The following NCAM2 variants were observed in gnomAD, a reference collection of about 807,000 sequenced individuals.
The protein encoded by NCAM2 is N-CAM-2.
Under a neutral mutation model 98.1 loss-of-function variants are expected in NCAM2, and 30 were observed. The observed-to-expected ratio is 0.31, with a 90% CI of 0.23 to 0.41. NCAM2 has a LOEUF of 0.41. NCAM2 is among the 10% of genes least tolerant of loss of function. The pLI is 1.00. For missense variants in NCAM2, 867 were observed against 1,005.8 expected, an observed-to-expected ratio of 0.86 and a Z score of 1.87; for synonymous variants, 368 against 342.4, an observed-to-expected ratio of 1.07 and a Z score of -0.83.
intron 1 of NCAM2, among the ~76,000 whole-genome samples, chr21:21,121,206 A>G (rs932889443): frequency 3.9e-5 from 6 of 152,220 alleles, no homozygotes; most frequent in African/African-American, 4.8e-5. Context: ...GCATTCTGAC[A>G]TGTTAATTTC....
intron 13 of NCAM2, among the ~76,000 whole-genome samples, chr21:21,467,773 C>T (rs1487451086): frequency 5.9e-5 from 9 of 151,530 alleles, no homozygotes; most frequent in African/African-American, 1.9e-4. Flanking sequence ...GTGAGAAGAT[C>T]ACCTGAGTCT....
At chr21:21,099,325 C>T (rs760248297) in intron 1 of NCAM2, among the ~76,000 whole-genome samples, 1 of 151,750 alleles carries the variant, frequency 6.6e-6, no homozygotes, top group African/African-American at 2.4e-5. Context: ...ATGAGATGGG[C>T]TTTGTATTAG....
In NCAM2 at chr21:21,235,359, A is replaced by G. The variant is rs958093473; in HGVS notation, c.56-45219A>G. On this transcript the variant is annotated intron_variant, in intron 1 of 17. Transcript: ENST00000400546. ...GCAGGGAAATTTAAGAAATAGTTTT[A>G]TTTATTTCTTCTCTGATTAAATAAT... Among the ~76,000 whole-genome samples the G allele has an allele frequency of 1.6e-4, 24 of 152,138 alleles. No individual in the cohort carries two copies. The East Asian group carries it at 2.5e-3, about 16-fold the overall frequency.
chr21:21,525,986 G>A (rs1989299216), intron 16 of NCAM2, among the ~76,000 whole-genome samples: 1 of 152,006 alleles, frequency 6.6e-6, no homozygotes, highest in South Asian at 2.1e-4. Context: ...ACAATGAGGG[G>A]TGGACCTTCC....
intron 1 of NCAM2, among the ~76,000 whole-genome samples, chr21:21,116,577 G>A (rs1343679743): frequency 6.6e-6 from 1 of 152,116 alleles, no homozygotes; most frequent in Non-Finnish European, 1.5e-5. Flanking sequence ...CAATGTGTCC[G>A]GGCGCAGCGG....
intron 4 of NCAM2, among the ~76,000 whole-genome samples, chr21:21,288,879 A>G (rs372934814): frequency 6.6e-6 from 1 of 151,914 alleles, no homozygotes; most frequent in African/African-American, 2.4e-5. Flanking sequence ...TATGCTTTTG[A>G]TTGTAGCTGC....
intron 1 of NCAM2, among the ~76,000 whole-genome samples, chr21:21,123,212 G>A (rs2066711814): frequency 6.6e-6 from 1 of 151,950 alleles, no homozygotes; most frequent in South Asian, 2.1e-4. Context: ...TGGCTGACAC[G>A]GTGAAACCCG....
chr21:21,212,742 C>T (rs112896468), intron 1 of NCAM2, among the ~76,000 whole-genome samples: 7,124 of 124,726 alleles, frequency 0.057, 595 homozygotes, highest in African/African-American at 0.2. Flanking sequence ...ATTATCTGTG[C>T]TTTTTTTTTT....
intron 15 of NCAM2, among the ~76,000 whole-genome samples, chr21:21,478,171 G>T (rs1032034440): frequency 6.6e-6 from 1 of 152,012 alleles, no homozygotes; most frequent in Non-Finnish European, 1.5e-5. Flanking sequence ...AATTTATTCT[G>T]ACTCAAAATA....
At chr21:21,373,155 C>CAAA (rs2075958483) in intron 8 of NCAM2, among the ~76,000 whole-genome samples, 1 of 151,712 alleles carries the variant, frequency 6.6e-6, no homozygotes. Flanking sequence ...TTAGAATATA[C>CAAA]TGTTTCTGTC....
chr21:21,085,630 T>C (rs2065892294), intron 1 of NCAM2, among the ~76,000 whole-genome samples: 1 of 152,162 alleles, frequency 6.6e-6, no homozygotes, highest in African/African-American at 2.4e-5. Context: ...CAGAACACTA[T>C]GCGCCCTTTC....
At chr21:21,261,013 T>C (rs762111413) in intron 1 of NCAM2, among the ~76,000 whole-genome samples, 3 of 152,116 alleles carry the variant, frequency 2.0e-5, no homozygotes, top group Non-Finnish European at 2.9e-5. Flanking sequence ...AGTAAAGTTA[T>C]GTCACACAAA....
At chr21:21,507,503 A>G (rs1441087954) in intron 15 of NCAM2, among the ~76,000 whole-genome samples, 2 of 152,136 alleles carry the variant, frequency 1.3e-5, no homozygotes, top group Non-Finnish European at 2.9e-5. Context: ...CATTAAAAAG[A>G]CTAAACTGGG....
At chr21:21,162,857 G>A (rs1479453443) in intron 1 of NCAM2, among the ~76,000 whole-genome samples, 1 of 152,018 alleles carries the variant, frequency 6.6e-6, no homozygotes, top group African/African-American at 2.4e-5. Context: ...ATCCGTTATT[G>A]GTGAAGAAAC....
At chr21:21,392,451 C>A (rs893867927) in intron 9 of NCAM2, among the ~76,000 whole-genome samples, 2 of 152,134 alleles carry the variant, frequency 1.3e-5, no homozygotes, top group Non-Finnish European at 2.9e-5. Flanking sequence ...ATTTACATTC[C>A]TTTGGGTATA....
At chr21:21,393,375 C>T (rs997521533) in intron 9 of NCAM2, among the ~76,000 whole-genome samples, 2 of 151,840 alleles carry the variant, frequency 1.3e-5, no homozygotes, top group Non-Finnish European at 2.9e-5. Flanking sequence ...TGATTTTTTC[C>T]AGATAGTATA....
chr21:21,268,946 C>T (rs886266309), intron 1 of NCAM2, among the ~76,000 whole-genome samples: 4 of 152,122 alleles, frequency 2.6e-5, no homozygotes, highest in African/African-American at 7.2e-5. Flanking sequence ...AACAAATAAA[C>T]CTGAACCCTG....
At chr21:21,294,558 T>C (rs1178791715) in intron 5 of NCAM2, among the ~76,000 whole-genome samples, 1 of 151,816 alleles carries the variant, frequency 6.6e-6, no homozygotes, top group Non-Finnish European at 1.5e-5. Flanking sequence ...GTCTCATTTT[T>C]CCCTTTAGGA....
At chr21:21,181,082 A>G (rs889132849) in intron 1 of NCAM2, among the ~76,000 whole-genome samples, 2 of 152,126 alleles carry the variant, frequency 1.3e-5, no homozygotes, top group African/African-American at 4.8e-5. Context: ...ATCAAACTAT[A>G]CATTTGCACA....
Sources: allele counts gnomAD v4.1 joint callset (sites outside exome capture counted in the v4.1 genomes callset), GRCh38; gene constraint gnomAD v4.1.1; transcripts MANE v1.5; gene names NCBI Gene and HGNC (gene_info 2026-07-23, HGNC 2026-07-21).